Variants in TLK1 observed in about 807,000 individuals in gnomAD.
TLK1 encodes tousled like kinase 1, also known as serine/threonine-protein kinase tousled-like 1.
A neutral mutation model predicts 105.3 loss-of-function variants in TLK1; 24 were observed. The observed-to-expected ratio is 0.23, with a 90% confidence interval of 0.17 to 0.32. The LOEUF is 0.32. Among genes scored for constraint, TLK1 ranks in the 10% least tolerant of loss-of-function variants. The pLI is 1.00. For missense variants in TLK1, 558 were observed against 910.5 expected, an observed-to-expected ratio of 0.61 and a Z score of 4.98; for synonymous variants, 321 against 310.4, an observed-to-expected ratio of 1.03 and a Z score of -0.36.
intron 2 of TLK1, among the ~76,000 whole-genome samples, chr2:171,104,276 CAAA>C (rs200041617): frequency 9.2e-6 from 1 of 108,342 alleles, no homozygotes; most frequent in East Asian, 2.7e-4. Flanking sequence ...GATTCTGTCT[CAAA>C]AAAAAAAAAA....
At chr2:171,109,599 T>C (rs1179169480) in intron 2 of TLK1, among the ~76,000 whole-genome samples, 1 of 152,226 alleles carries the variant, frequency 6.6e-6, no homozygotes, top group African/African-American at 2.4e-5. Flanking sequence ...TTTGGAAATC[T>C]GGCAGTTTCT....
At chr2:171,086,494 C>T (rs1331800523) in intron 2 of TLK1, among the ~76,000 whole-genome samples, 1 of 152,042 alleles carries the variant, frequency 6.6e-6, no homozygotes, top group African/African-American at 2.4e-5. Context: ...GGCGTCATGG[C>T]GCATGCCTGT....
chr2:171,198,154 G>A (rs946080059), intron 1 of TLK1, among the ~76,000 whole-genome samples: 5 of 151,976 alleles, frequency 3.3e-5, no homozygotes, highest in African/African-American at 4.8e-5. Flanking sequence ...TATCATCTAC[G>A]TTCTATAGTT....
intron 1 of TLK1, among the ~76,000 whole-genome samples, chr2:171,222,465 G>A (rs1425394383): frequency 1.3e-5 from 2 of 152,096 alleles, no homozygotes; most frequent in African/African-American, 2.4e-5. Flanking sequence ...CCAGGAGCTA[G>A]AACCAAAGGC....
chr2:171,015,344 A>T (rs955292395), intron 12 of TLK1, among the ~76,000 whole-genome samples: 1 of 151,984 alleles, frequency 6.6e-6, no homozygotes, highest in Non-Finnish European at 1.5e-5. Context: ...AAAATATTTT[A>T]TAATAGTTAA....
At chr2:171,056,611 TCAGA>T in intron 5 of TLK1, 45 bp from the exon 6 acceptor site, 1 of 1,479,086 alleles carries the variant, frequency 6.8e-7, no homozygotes, top group Non-Finnish European at 9.4e-7. Context: ...TAAAGCAGGC[TCAGA>T]CAGTTATTTC....
At chr2:171,101,166 T>C (rs1689671957) in intron 2 of TLK1, among the ~76,000 whole-genome samples, 1 of 151,892 alleles carries the variant, frequency 6.6e-6, no homozygotes, top group Non-Finnish European at 1.5e-5. Flanking sequence ...ACCAACATGG[T>C]GAGACCTCAT....
intron 1 of TLK1, among the ~76,000 whole-genome samples, chr2:171,208,492 C>T (rs1214140855): frequency 1.3e-5 from 2 of 151,998 alleles, no homozygotes; most frequent in Non-Finnish European, 2.9e-5. Flanking sequence ...TTCTCCTCTC[C>T]GTGCTTAAAA....
intron 1 of TLK1, among the ~76,000 whole-genome samples, chr2:171,148,348 G>A (rs1326210047): frequency 6.6e-6 from 1 of 151,802 alleles, no homozygotes; most frequent in East Asian, 1.9e-4. Context: ...TAGGCAGTGT[G>A]GTATAGGGAT....
rs200758535 is a variant in TLK1 at position 171,195,468 on chromosome 2, A to C, written c.-6+35677T>G. ...CAGTCAGCCCAGATGGCGCCACTGC[A>C]CTCCAGCTAGGTGACAGAGCAAGAC... On this transcript the variant is annotated intron_variant, in intron 1 of 20. Transcript: ENST00000521943. Among the ~76,000 whole-genome samples the C allele has an allele frequency of 1.1e-4, 16 of 143,552 alleles. No homozygotes were observed. The East Asian group carries it at 2.7e-3, about 24-fold the overall frequency. 94.2% of individuals were successfully genotyped at this position (143,552 alleles called of 152,430 possible). A position where few individuals can be genotyped will look rare whatever the true frequency, so the allele number is the denominator to read the frequency against.
intron 6 of TLK1, among the ~76,000 whole-genome samples, chr2:171,055,885 A>G (rs1471244324): frequency 1.3e-5 from 2 of 152,076 alleles, no homozygotes; most frequent in African/African-American, 2.4e-5. Context: ...CTGAAAACCA[A>G]TATTGTTTTT....
chr2:171,019,839 C>T (rs1040640643), intron 12 of TLK1, among the ~76,000 whole-genome samples: 9 of 152,082 alleles, frequency 5.9e-5, no homozygotes, highest in African/African-American at 1.9e-4. Context: ...CGGTGGATCA[C>T]CTGAGGTCAG....
intron 1 of TLK1, among the ~76,000 whole-genome samples, chr2:171,158,172 C>A (rs1052952451): frequency 9.2e-5 from 14 of 152,114 alleles, no homozygotes; most frequent in African/African-American, 3.4e-4. Context: ...GAATATAACC[C>A]TAGAGAGGAT....
At chr2:171,199,685 C>T (rs1693361148) in intron 1 of TLK1, among the ~76,000 whole-genome samples, 1 of 152,082 alleles carries the variant, frequency 6.6e-6, no homozygotes, top group Non-Finnish European at 1.5e-5. Flanking sequence ...ATCCAGTGGT[C>T]CCTTTTGCTG....
upstream of TLK1, among the ~76,000 whole-genome samples, chr2:171,164,970 AAAAGATTAG>A (rs1333496165): frequency 6.6e-6 from 1 of 152,216 alleles, no homozygotes; most frequent in Admixed American, 6.5e-5. Flanking sequence ...AAAAAAAAGA[AAAAGATTAG>A]ATGGCTAGAG....
chr2:171,118,044 AT>A (rs1277041069), intron 1 of TLK1, among the ~76,000 whole-genome samples, 187 bp from the exon 2 acceptor site: 1 of 152,208 alleles, frequency 6.6e-6, no homozygotes, highest in Non-Finnish European at 1.5e-5. Flanking sequence ...CCTACAATGG[AT>A]TTCCAACACT....
intron 1 of TLK1, among the ~76,000 whole-genome samples, chr2:171,151,028 CTT>C (rs796254850): frequency 1.4e-5 from 2 of 144,576 alleles, no homozygotes. Context: ...GGGTACATTC[CTT>C]TTTTTTTTTT....
rs560388305 is a variant in TLK1, at chr2:171,194,588, C to A, written c.-6+36557G>T. On this transcript the variant is annotated intron_variant, in intron 1 of 20. Transcript: ENST00000521943. Reference sequence around the variant, plus strand: ...ATCCCAGCACTTTGGGAGGCCGAGGCGGGCGGATCACGAGGTCAGGAGATC... The same window carrying A: ...ATCCCAGCACTTTGGGAGGCCGAGGAGGGCGGATCACGAGGTCAGGAGATC... Among the ~76,000 whole-genome samples, 18 of 151,992 alleles carry A rather than the reference C, an allele frequency of 1.2e-4. No individual in the cohort carries two copies. The South Asian group carries it at 3.7e-3, about 32-fold the overall frequency.
chr2:171,137,574 C>T (rs942930780), intron 1 of TLK1, among the ~76,000 whole-genome samples: 1 of 152,028 alleles, frequency 6.6e-6, no homozygotes, highest in East Asian at 1.9e-4. Context: ...TTCAGCCAGG[C>T]GCAGTGGCTC....
Sources: allele counts gnomAD v4.1 joint callset (sites outside exome capture counted in the v4.1 genomes callset), GRCh38; gene constraint gnomAD v4.1.1; transcripts MANE v1.5; gene names NCBI Gene and HGNC (gene_info 2026-07-23, HGNC 2026-07-21).